Variants in GDE1 observed in about 807,000 individuals in gnomAD.
GDE1 encodes glycerophosphodiester phosphodiesterase 1, also known as RGS16-interacting membrane protein.
In GDE1, 24 loss-of-function variants were observed where a neutral mutation model predicts 32.2. That is an observed-to-expected ratio of 0.75 (90% CI 0.54 to 1.05). The LOEUF is 1.05. Ranked by LOEUF, GDE1 falls within the 50% of genes least tolerant of loss-of-function variation. The pLI is 0.00. For synonymous variants in GDE1, 159 were observed against 158.6 expected (o/e 1.00, Z -0.02); for missense variants, 380 against 415.0 (o/e 0.92, Z 0.73).
chr16:19,504,689 G>A (rs939419082), intron 5 of GDE1, 192 bp downstream of exon 5: 5 of 535,004 alleles, frequency 9.3e-6, no homozygotes, highest in East Asian at 3.1e-5. Flanking sequence ...ATATGTGATC[G>A]ACTCGGTCTG....
In GDE1 at chr16:19,521,997, C is replaced by T. The variant is rs1384314043; in HGVS notation, c.-33G>A. The T allele has an allele frequency of 1.3e-6, 2 of 1,509,722 alleles. No individual in the cohort carries two copies. Among genetic ancestry groups the T allele is most frequent in the East Asian group, 5.0e-5 (2 of 40,332 alleles). The allele number at this position is 1,509,722 out of a possible 1,614,324, so 93.5% of individuals were successfully genotyped here. Reference sequence around the variant, plus strand: ...CCCGCACCGGCACGGACGGGAGTCCCGGACCCGCCGGGCTCCTGGGGCAGT... The same window carrying T: ...CCCGCACCGGCACGGACGGGAGTCCTGGACCCGCCGGGCTCCTGGGGCAGT... On this transcript the variant is annotated 5_prime_UTR_variant, in exon 1 of 6. Coordinates refer to ENST00000353258, the MANE Select transcript of GDE1 (RefSeq NM_016641.4).
At chr16:19,511,900 A>G (rs1969322861) in intron 2 of GDE1, among the ~76,000 whole-genome samples, 2 of 152,128 alleles carry the variant, frequency 1.3e-5, no homozygotes, top group Non-Finnish European at 2.9e-5. Flanking sequence ...ACAGGATATC[A>G]TCCTTTTTTA....
chr16:19,504,605 A>G, intron 5 of GDE1: 1 of 314,226 alleles, frequency 3.2e-6, no homozygotes, highest in South Asian at 4.2e-5. Flanking sequence ...AACCAGTCAC[A>G]GAAATAAAAT....
intron 3 of GDE1, among the ~76,000 whole-genome samples, chr16:19,510,049 C>G (rs562670724): frequency 6.6e-6 from 1 of 151,806 alleles, no homozygotes; most frequent in Non-Finnish European, 1.5e-5. Context: ...TGGCCCTTAC[C>G]GATTATTAAT....
chr16:19,521,789 A>C lies in GDE1; in HGVS notation c.176T>G (p.Leu59Arg), dbSNP rs778179810. The part of the protein sequence containing the change: ...PVPSCRALQV[L>R]KPRDRISAIA... Reference sequence around the variant, plus strand: ...GGCAGAAATGCGGTCCCGGGGCTTGAGCACCTGCAGGGCCCTGCAAGAGGG... The same window carrying C: ...GGCAGAAATGCGGTCCCGGGGCTTGCGCACCTGCAGGGCCCTGCAAGAGGG... The change falls in exon 1 of 6, where the codon CTC (leucine) becomes CGC (arginine). Residue 59 changes from leucine to arginine, a missense_variant. By Grantham distance (102) the Leu-to-Arg change is moderately radical. Coordinates refer to ENST00000353258, the MANE Select transcript of GDE1 (RefSeq NM_016641.4). 1.9e-6 allele frequency: 3 copies of C among 1,611,850 alleles called. No homozygotes were observed. The highest frequency in any genetic ancestry group is 2.5e-6 in the Non-Finnish European group (3 of 1,179,524).
rs1045496121 is a variant in GDE1, at chr16:19,503,290, C to A, written c.*180G>T. On this transcript the variant is annotated 3_prime_UTR_variant, in exon 6 of 6. Transcript: ENST00000353258. Reference sequence around the variant, plus strand: ...GCAACAGTGTTGAACTCTGGCATGCCATGGTGCATGGTGGCAACACCGGGT... The same window carrying A: ...GCAACAGTGTTGAACTCTGGCATGCAATGGTGCATGGTGGCAACACCGGGT... 5 of 594,796 alleles carry A rather than the reference C, an allele frequency of 8.4e-6. No homozygotes were observed. Among genetic ancestry groups the A allele is most frequent in the Non-Finnish European group, 1.2e-5 (4 of 338,762 alleles). 36.8% of individuals were successfully genotyped at this position (594,796 alleles called of 1,614,324 possible).
At chr16:19,513,030 G>A (rs1347655325) in intron 2 of GDE1, among the ~76,000 whole-genome samples, 1 of 150,978 alleles carries the variant, frequency 6.6e-6, no homozygotes, top group Non-Finnish European at 1.5e-5. Flanking sequence ...ATCTTGAAAT[G>A]AGGTAGTGTG....
At position 19,507,722 on chromosome 16, in the gene GDE1, C is replaced by T; in HGVS notation, c.601G>A (p.Val201Met). ...MEFPQLYNNS[V>M]VCSFLPEVIY... ...ACTTCTGGCAAGAAAGAACAGACCACACTATTATTATACAGTTGAGGAAAT... is the reference window on the plus strand; with the variant it reads ...ACTTCTGGCAAGAAAGAACAGACCATACTATTATTATACAGTTGAGGAAAT... Residue 201 changes from valine (V) to methionine (M), a missense_variant, in exon 4 of 6, where the codon GTG (valine) becomes ATG (methionine). Val to Met is a conservative substitution (Grantham distance 21, BLOSUM62 1). Transcript: ENST00000353258. The T allele has an allele frequency of 6.3e-7, 1 of 1,584,536 alleles. No homozygotes were observed. The highest frequency in any genetic ancestry group is 8.7e-7 in the Non-Finnish European group (1 of 1,153,082).
chr16:19,510,978 AAG>A (rs1350434786), intron 2 of GDE1, 34 bp from the exon 3 acceptor site: 2 of 1,058,446 alleles, frequency 1.9e-6, no homozygotes, highest in Non-Finnish European at 2.9e-6. Flanking sequence ...TGTAGGAAAA[AAG>A]AGAAACAGAT....
chr16:19,513,563 A>G (rs904756913), intron 2 of GDE1, among the ~76,000 whole-genome samples: 3 of 152,134 alleles, frequency 2.0e-5, no homozygotes, highest in Non-Finnish European at 2.9e-5. Flanking sequence ...AAGAGGTACA[A>G]TCTGACTTCC....
chr16:19,507,443 A>G (rs983162320), intron 4 of GDE1, among the ~76,000 whole-genome samples: 8 of 152,196 alleles, frequency 5.3e-5, no homozygotes, highest in Non-Finnish European at 1.0e-4. Context: ...GAATTTTACT[A>G]CAGTAATCTG....
Position 19,521,985 on chromosome 16 carries a change from G to A in GDE1, c.-21C>T. 6.6e-7 allele frequency: 1 copy of A among 1,521,194 alleles called. No individual in the cohort carries two copies. The highest frequency in any genetic ancestry group is 8.9e-7 in the Non-Finnish European group (1 of 1,129,588). 94.2% of individuals were successfully genotyped at this position (1,521,194 alleles called of 1,614,324 possible). A position where few individuals can be genotyped will look rare whatever the true frequency, so the allele number is the denominator to read the frequency against. ...CACATGCCGGCGCCCGCACCGGCAC[G>A]GACGGGAGTCCCGGACCCGCCGGGC... On this transcript the variant is annotated 5_prime_UTR_variant, in exon 1 of 6. Transcript: ENST00000353258.
chr16:19,508,606 T>C (rs1969278086), intron 3 of GDE1, among the ~76,000 whole-genome samples: 1 of 151,894 alleles, frequency 6.6e-6, no homozygotes, highest in South Asian at 2.1e-4. Flanking sequence ...TCTTCGCTAA[T>C]GCAACTGAAG....
At chr16:19,506,383 A>G (rs1969247117) in intron 4 of GDE1, among the ~76,000 whole-genome samples, 1 of 152,144 alleles carries the variant, frequency 6.6e-6, no homozygotes, top group Non-Finnish European at 1.5e-5. Context: ...GGCAGGGCAT[A>G]GTGGCTCACA....
chr16:19,503,425 A>G lies in GDE1; in HGVS notation c.*45T>C. 6.3e-7 allele frequency: 1 copy of G among 1,579,108 alleles called. No individual in the cohort carries two copies. Among genetic ancestry groups the G allele is most frequent in the Non-Finnish European group, 8.7e-7 (1 of 1,152,624 alleles). On this transcript the variant is annotated 3_prime_UTR_variant, in exon 6 of 6. Coordinates refer to ENST00000353258, the MANE Select transcript of GDE1 (RefSeq NM_016641.4). ...AAGGGTATTTTGATATCCCTGTATG[A>G]GGCCCCTGGCAGTTTCTGAACCCGT...
At chr16:19,504,102 C>T (rs1298469223) in intron 5 of GDE1, 1 of 154,022 alleles carries the variant, frequency 6.5e-6, no homozygotes, top group East Asian at 1.9e-4. Flanking sequence ...GCTTAACTGT[C>T]ACTTCCTTGG....
At chr16:19,520,893 CAA>C (rs750822474) in intron 1 of GDE1, among the ~76,000 whole-genome samples, 3 of 152,216 alleles carry the variant, frequency 2.0e-5, no homozygotes, top group African/African-American at 7.2e-5. Flanking sequence ...TGGGAGGTAT[CAA>C]AAGTTTCAGG....
intron 2 of GDE1, among the ~76,000 whole-genome samples, chr16:19,515,944 C>T (rs1292276406): frequency 6.6e-6 from 1 of 152,080 alleles, no homozygotes; most frequent in Non-Finnish European, 1.5e-5. Flanking sequence ...TATTACTCAG[C>T]ATACCAATTC....
Position 19,522,064 on chromosome 16 carries a change from G to C in GDE1, c.-100C>G. 7.8e-7 allele frequency: 1 copy of C among 1,276,230 alleles called. No individual in the cohort carries two copies. Among genetic ancestry groups the C allele is most frequent in the Non-Finnish European group, 1.1e-6 (1 of 946,522 alleles). The allele number at this position is 1,276,230 out of a possible 1,614,324, so 79.1% of individuals were successfully genotyped here. ...GGGAGGGTCCAAGGCACCGGCAGCA[G>C]CAGGAACCCTCTGAGGGGACCAGCG... On this transcript the variant is annotated 5_prime_UTR_variant, in exon 1 of 6. Coordinates refer to ENST00000353258, the MANE Select transcript of GDE1 (RefSeq NM_016641.4).
Sources: gnomAD v4.1 joint callset for allele counts (sites outside exome capture counted in the v4.1 genomes callset) on GRCh38, gnomAD v4.1.1 for gene constraint, MANE v1.5 for transcripts, NCBI Gene and HGNC (gene_info 2026-07-23, HGNC 2026-07-21) for gene names.